The following DCTN5 variants were observed in gnomAD, a reference collection of about 807,000 sequenced individuals.
DCTN5 encodes the protein dynactin 4.
In DCTN5, 14 loss-of-function variants were observed where a neutral mutation model predicts 23.5. That is an observed-to-expected ratio of 0.60 (90% CI 0.39 to 0.93). The LOEUF is 0.93. Among genes scored for constraint, DCTN5 ranks in the 40% least tolerant of loss-of-function variants. The probability of loss-of-function intolerance (pLI) is 0.00; values close to 1 mark genes in which losing one functional copy is unlikely to be tolerated. For synonymous variants in DCTN5, 67 were observed against 79.6 expected, an observed-to-expected ratio of 0.84 and a Z score of 0.84; for missense variants, 156 against 225.9, an observed-to-expected ratio of 0.69 and a Z score of 1.98.
chr16:23,646,090 C>A (rs1967452205), intron 2 of DCTN5, among the ~76,000 whole-genome samples: 1 of 152,100 alleles, frequency 6.6e-6, no homozygotes, highest in Admixed American at 6.5e-5. Context: ...TTTACCAACA[C>A]TAGTTATTTT....
chr16:23,653,980 C>T (rs746496819), intron 2 of DCTN5, among the ~76,000 whole-genome samples: 1 of 152,104 alleles, frequency 6.6e-6, no homozygotes, highest in Non-Finnish European at 1.5e-5. Flanking sequence ...ATCAAAACCA[C>T]GAGATACCGT....
chr16:23,664,753 T>G (rs1967874420), intron 4 of DCTN5, among the ~76,000 whole-genome samples: 1 of 152,230 alleles, frequency 6.6e-6, no homozygotes, highest in South Asian at 2.1e-4. Context: ...TTCAAACATC[T>G]ACATGACTAT....
At position 23,671,925 on chromosome 16, in the gene DCTN5, T is replaced by C. The variant is rs1205423559; in HGVS notation, c.*4781T>C. 4 of 152,190 alleles carry C rather than the reference T, an allele frequency of 2.6e-5. No individual in the cohort carries two copies. Among genetic ancestry groups the C allele is most frequent in the Non-Finnish European group, 5.9e-5 (4 of 68,040 alleles). 9.4% of individuals were successfully genotyped at this position (152,190 alleles called of 1,614,324 possible). A position where few individuals can be genotyped will look rare whatever the true frequency, so the allele number is the denominator to read the frequency against. On this transcript the variant is annotated 3_prime_UTR_variant, in exon 6 of 6. Transcript: ENST00000300087. ...TCATGCAGATGAAAACCATCCAAGATAAGAGACATGGGAGTGAAATTCACA... is the reference window on the plus strand; with the variant it reads ...TCATGCAGATGAAAACCATCCAAGACAAGAGACATGGGAGTGAAATTCACA...
rs1967943239 is a variant in DCTN5 at position 23,668,326 on chromosome 16, C to T, written c.*1182C>T. On this transcript the variant is annotated 3_prime_UTR_variant, in exon 6 of 6. Transcript: ENST00000300087. ...ATATCCAGTTGTGGGGTTTGCAAAA[C>T]AAAACAGCTGTATGTAATCATTGCC... 6.6e-6 allele frequency: 1 copy of T among 152,216 alleles called. No homozygotes were observed. The highest frequency in any genetic ancestry group is 6.5e-5 in the Admixed American group (1 of 15,290). The allele number at this position is 152,216 out of a possible 1,614,324, so 9.4% of individuals were successfully genotyped here.
At chr16:23,661,704 C>T (rs1040573297) in intron 4 of DCTN5, among the ~76,000 whole-genome samples, 4 of 148,774 alleles carry the variant, frequency 2.7e-5, no homozygotes, top group African/African-American at 7.6e-5. Flanking sequence ...GGCAACAAAA[C>T]GAGACACTGT....
At chr16:23,662,287 A>G (rs1393696794) in intron 4 of DCTN5, among the ~76,000 whole-genome samples, 1 of 152,194 alleles carries the variant, frequency 6.6e-6, no homozygotes, top group East Asian at 1.9e-4. Context: ...GGTTCAAGTC[A>G]TCAAAGGGCA....
intron 3 of DCTN5, among the ~76,000 whole-genome samples, chr16:23,659,979 A>C (rs1967781725): frequency 6.6e-6 from 1 of 152,258 alleles, no homozygotes; most frequent in Non-Finnish European, 1.5e-5. Flanking sequence ...GGAATAGTAC[A>C]TGTGAGAAAT....
In DCTN5 at chr16:23,668,772, C is replaced by G. The variant is rs1208817905; in HGVS notation, c.*1628C>G. On this transcript the variant is annotated 3_prime_UTR_variant, in exon 6 of 6. Coordinates refer to ENST00000300087, the MANE Select transcript of DCTN5 (RefSeq NM_032486.4). ...GCCATGACAGCTGATAGCTCCAGAC[C>G]TGCATCCTCCTAGCTTGGGGGCTCT... 1.3e-5 allele frequency: 2 copies of G among 152,218 alleles called. No homozygotes were observed. The highest frequency in any genetic ancestry group is 4.8e-5 in the African/African-American group (2 of 41,460). 9.4% of individuals were successfully genotyped at this position (152,218 alleles called of 1,614,324 possible). A position where few individuals can be genotyped will look rare whatever the true frequency, so the allele number is the denominator to read the frequency against.
intron 2 of DCTN5, among the ~76,000 whole-genome samples, chr16:23,645,224 T>A (rs566592337): frequency 6.8e-6 from 1 of 146,950 alleles, no homozygotes; most frequent in Admixed American, 6.9e-5. Context: ...AACCTCCGCC[T>A]CCCAGGTTCA....
At chr16:23,650,967 G>C (rs370038297) in intron 2 of DCTN5, 1 of 1,393,784 alleles carries the variant, frequency 7.2e-7, no homozygotes, top group Non-Finnish European at 9.5e-7. Context: ...TTTCCAGAGC[G>C]TCTGATTCTT....
intron 3 of DCTN5, 115 bp from the exon 4 acceptor site, chr16:23,661,055 T>C (rs1967800195): frequency 3.7e-6 from 2 of 541,956 alleles, no homozygotes; most frequent in South Asian, 8.4e-5. Context: ...CTTTCCTTGC[T>C]GGGAACAGTC....
chr16:23,662,972 C>T (rs1817752009), intron 4 of DCTN5, among the ~76,000 whole-genome samples: 1 of 152,166 alleles, frequency 6.6e-6, no homozygotes, highest in South Asian at 2.1e-4. Context: ...AGTCATTGTT[C>T]CATATTGGCG....
At position 23,667,333 on chromosome 16, in the gene DCTN5, A is replaced by T. The variant is rs1444014681; in HGVS notation, c.*189A>T. ...TTAAGAATTCACTAACAGACAGACC[A>T]TCTGGAGGAGCTGTCTTCAAATGCT... On this transcript the variant is annotated 3_prime_UTR_variant, in exon 6 of 6. Transcript: ENST00000300087. 3.1e-6 allele frequency: 2 copies of T among 648,582 alleles called. No individual in the cohort carries two copies. Among genetic ancestry groups the T allele is most frequent in the Admixed American group, 2.9e-5 (1 of 34,374 alleles). The allele number at this position is 648,582 out of a possible 1,614,324, so 40.2% of individuals were successfully genotyped here.
At chr16:23,652,511 T>C (rs192029883) in intron 2 of DCTN5, among the ~76,000 whole-genome samples, 185 of 152,382 alleles carry the variant, frequency 1.2e-3, no homozygotes, top group African/African-American at 4.1e-3. Context: ...TATTGAGGTA[T>C]AATTTGCATA....
chr16:23,675,629 G>A lies in DCTN5; in HGVS notation c.*8485G>A, dbSNP rs1199294880. 6.6e-6 allele frequency: 1 copy of A among 152,206 alleles called. No homozygotes were observed. The highest frequency in any genetic ancestry group is 6.5e-5 in the Admixed American group (1 of 15,280). The allele number at this position is 152,206 out of a possible 1,614,324, so 9.4% of individuals were successfully genotyped here. A position where few individuals can be genotyped will look rare whatever the true frequency, so the allele number is the denominator to read the frequency against. On this transcript the variant is annotated 3_prime_UTR_variant, in exon 6 of 6. Coordinates refer to ENST00000300087, the MANE Select transcript of DCTN5 (RefSeq NM_032486.4). ...ATGCAATGTTATGATTGCTGAACAGGGCACGACTGTTTTTGTAATATTGGA... is the reference window on the plus strand; with the variant it reads ...ATGCAATGTTATGATTGCTGAACAGAGCACGACTGTTTTTGTAATATTGGA...
chr16:23,645,109 A>T (rs561818161), intron 2 of DCTN5, among the ~76,000 whole-genome samples: 2 of 31,472 alleles, frequency 6.4e-5, no homozygotes, highest in Admixed American at 3.8e-4. Flanking sequence ...ATATATATAT[A>T]TATATATATA....
chr16:23,653,006 G>C (rs963866875), intron 2 of DCTN5, among the ~76,000 whole-genome samples: 2 of 152,236 alleles, frequency 1.3e-5, no homozygotes, highest in South Asian at 4.1e-4. Context: ...GCTGGGCTTG[G>C]TGGTGCACAC....
chr16:23,651,004 T>C, intron 2 of DCTN5: 1 of 1,407,184 alleles, frequency 7.1e-7, no homozygotes, highest in Non-Finnish European at 9.3e-7. Context: ...AAATCTCACT[T>C]TTTAAAATGC....
chr16:23,647,615 G>A (rs1018001426), intron 2 of DCTN5, among the ~76,000 whole-genome samples: 4 of 151,248 alleles, frequency 2.6e-5, no homozygotes, highest in African/African-American at 7.3e-5. Flanking sequence ...TCAAGCAATT[G>A]TCCTGCCTCA....
Sources: allele counts gnomAD v4.1 joint callset (sites outside exome capture counted in the v4.1 genomes callset), GRCh38; gene constraint gnomAD v4.1.1; transcripts MANE v1.5; gene names NCBI Gene and HGNC (gene_info 2026-07-23, HGNC 2026-07-21).